The following PCDH7 variants were observed in gnomAD, a reference collection of about 807,000 sequenced individuals.
PCDH7 encodes the protein protocadherin 7, also known as protocadherin-7.
PCDH7 carries 17 observed loss-of-function variants against 58.9 expected under a neutral mutation model. The ratio of observed to expected loss-of-function variants is 0.29; its 90% confidence interval spans 0.20 to 0.43. PCDH7 has a LOEUF of 0.43. Among genes scored for constraint, PCDH7 ranks in the 20% least tolerant of loss-of-function variants. The pLI is 1.00. For synonymous variants in PCDH7, 664 were observed against 616.4 expected (o/e 1.08, Z -1.14); for missense variants, 1,274 against 1,441.0 (o/e 0.88, Z 1.88).
chr4:30,724,213 T>A (rs943645865), exon 1 of PCDH7: 1 of 1,613,566 alleles, frequency 6.2e-7, no homozygotes, highest in Non-Finnish European at 8.5e-7. Context: ...GCATGACAAA[T>A]CTAAAAAGCC....
intron 3 of PCDH7, among the ~76,000 whole-genome samples, chr4:31,069,800 A>T (rs1326408163): frequency 9.1e-6 from 1 of 110,094 alleles, no homozygotes; most frequent in East Asian, 2.5e-4. Context: ...TTAATCCATA[A>T]GATAGTATGA....
chr4:31,016,041 A>G (rs1224277059), intron 3 of PCDH7, among the ~76,000 whole-genome samples: 1 of 152,184 alleles, frequency 6.6e-6, no homozygotes, highest in African/African-American at 2.4e-5. Flanking sequence ...AATATAATTC[A>G]TTTTATTTTA....
At chr4:31,117,709 G>A (rs1376457065) in intron 3 of PCDH7, among the ~76,000 whole-genome samples, 2 of 151,962 alleles carry the variant, frequency 1.3e-5, no homozygotes, top group South Asian at 2.1e-4. Flanking sequence ...AATTTACAAG[G>A]AAAAAACCAT....
intron 2 of PCDH7, among the ~76,000 whole-genome samples, chr4:30,941,281 C>T (rs1366393658): frequency 2.0e-5 from 3 of 151,858 alleles, no homozygotes; most frequent in Admixed American, 2.0e-4. Context: ...ATAACCATTC[C>T]TTGAAGTTTA....
chr4:30,728,518 A>C (rs543118878), intron 1 of PCDH7, among the ~76,000 whole-genome samples: 25 of 151,770 alleles, frequency 1.6e-4, no homozygotes, highest in Admixed American at 9.2e-4. Flanking sequence ...CAAAACACTA[A>C]TAGCTGATGG....
chr4:30,858,328 C>T (rs1194613424), intron 1 of PCDH7, among the ~76,000 whole-genome samples: 1 of 152,078 alleles, frequency 6.6e-6, no homozygotes, highest in African/African-American at 2.4e-5. Context: ...CATGTTGTTT[C>T]TTCTTTCCAT....
rs180744403 is a variant in PCDH7, at chr4:30,945,862, G to A, written c.288-4258G>A. ...CCCAAGGCTGATCTTAATTCCATCGGGCCACAGTTAGTGCCAACAATCAAG... is the reference window on the plus strand; with the variant it reads ...CCCAAGGCTGATCTTAATTCCATCGAGCCACAGTTAGTGCCAACAATCAAG... On this transcript the variant is annotated intron_variant, in intron 2 of 3. Coordinates refer to the PCDH7 transcript ENST00000509759. Among the ~76,000 whole-genome samples, 4 of 151,864 alleles carry A rather than the reference G, an allele frequency of 2.6e-5. No individual in the cohort carries two copies. The East Asian group carries it at 7.8e-4, about 29-fold the overall frequency.
intron 3 of PCDH7, among the ~76,000 whole-genome samples, chr4:30,999,673 A>G (rs963067423): frequency 6.6e-6 from 1 of 152,124 alleles, no homozygotes; most frequent in African/African-American, 2.4e-5. Context: ...TAAAATAGCA[A>G]TGCACTGTAA....
At chr4:30,949,431 CTGTT>C (rs1234378676) in intron 2 of PCDH7, among the ~76,000 whole-genome samples, 1 of 152,044 alleles carries the variant, frequency 6.6e-6, no homozygotes, top group East Asian at 1.9e-4. Flanking sequence ...CTGCCATCAA[CTGTT>C]TGGTATACAA....
chr4:30,723,252 C>T lies in PCDH7; in HGVS notation c.1830C>T (p.Asn610=). 6.2e-7 allele frequency: 1 copy of T among 1,614,202 alleles called. No homozygotes were observed. The highest frequency in any genetic ancestry group is 8.5e-7 in the Non-Finnish European group (1 of 1,180,054). Reference sequence around the variant, plus strand: ...CTGACAGGTATGAGTTTAAAGTTAACGCCAAAGACAAAGGCATCCCCGTGC... The same window carrying T: ...CTGACAGGTATGAGTTTAAAGTTAATGCCAAAGACAAAGGCATCCCCGTGC... Residue 610 remains asparagine (N), a synonymous_variant, in exon 1 of 2, where the codon AAC becomes AAT. Coordinates refer to ENST00000361762, the Ensembl canonical transcript of PCDH7. The surrounding 1 kb of genome is among the most constrained non-coding windows in gnomAD (Gnocchi z 4.6).
chr4:31,017,281 A>G (rs533053996), intron 3 of PCDH7, among the ~76,000 whole-genome samples: 182 of 152,318 alleles, frequency 1.2e-3, no homozygotes, highest in African/African-American at 4.1e-3. Context: ...CCAAAATTGA[A>G]TTAAGTAATA....
At chr4:30,898,356 G>A (rs1490383805) in intron 1 of PCDH7, among the ~76,000 whole-genome samples, 1 of 152,154 alleles carries the variant, frequency 6.6e-6, no homozygotes, top group Non-Finnish European at 1.5e-5. Flanking sequence ...GCAGGCATCA[G>A]ATTGAATCTT....
intron 2 of PCDH7, chr4:30,935,257 A>T: frequency 1.4e-6 from 1 of 690,612 alleles, no homozygotes; most frequent in Non-Finnish European, 1.8e-6. Context: ...ACATTAAATC[A>T]GACTTGCAAT....
chr4:30,920,420 T>G, intron 2 of PCDH7, 51 bp downstream of exon 2: 1 of 1,287,196 alleles, frequency 7.8e-7, no homozygotes, highest in Non-Finnish European at 1.0e-6. Flanking sequence ...TGAGCCGTAA[T>G]AAGTAGACTC....
intron 1 of PCDH7, among the ~76,000 whole-genome samples, chr4:30,845,713 C>T (rs531999869): frequency 6.6e-6 from 1 of 152,206 alleles, no homozygotes; most frequent in South Asian, 2.1e-4. Flanking sequence ...CATCCTCACT[C>T]CTTAGCCTCC....
chr4:30,861,301 T>G (rs1021502239), intron 1 of PCDH7, among the ~76,000 whole-genome samples: 2 of 152,302 alleles, frequency 1.3e-5, no homozygotes, highest in African/African-American at 4.8e-5. Context: ...TGATTCCTAG[T>G]GACATACTGC....
At chr4:30,825,758 G>A (rs12513276) in intron 1 of PCDH7, among the ~76,000 whole-genome samples, 1 of 150,062 alleles carries the variant, frequency 6.7e-6, no homozygotes, top group Non-Finnish European at 1.5e-5. Flanking sequence ...ATATCAAAAG[G>A]TATTAATGTA....
intron 2 of PCDH7, among the ~76,000 whole-genome samples, chr4:30,921,715 G>A (rs1743206515): frequency 6.6e-6 from 1 of 151,666 alleles, no homozygotes; most frequent in East Asian, 1.9e-4. Flanking sequence ...AGTCTGGTGT[G>A]GTTTCTAAGA....
At chr4:30,977,920 G>A (rs1750215975) in intron 3 of PCDH7, among the ~76,000 whole-genome samples, 1 of 152,174 alleles carries the variant, frequency 6.6e-6, no homozygotes. Context: ...ACGTGGTGGA[G>A]AGCGTTGCGT....
Sources: allele counts gnomAD v4.1 joint callset (sites outside exome capture counted in the v4.1 genomes callset), GRCh38; gene constraint gnomAD v4.1.1; non-coding constraint Gnocchi (gnomAD v3.1); transcripts MANE v1.5; gene names NCBI Gene and HGNC (gene_info 2026-07-23, HGNC 2026-07-21).